Variants in NALF1 observed in about 807,000 individuals in gnomAD.
The protein encoded by NALF1 is family with sequence similarity 155 member A.
Under a neutral mutation model 48.4 loss-of-function variants are expected in NALF1, and 3 were observed. The observed-to-expected ratio is 0.06, with a 90% CI of 0.03 to 0.16. The LOEUF is 0.16. Among genes scored for constraint, NALF1 ranks in the 10% least tolerant of loss-of-function variants. The probability of loss-of-function intolerance (pLI) is 1.00; values close to 1 mark genes in which losing one functional copy is unlikely to be tolerated. For missense variants in NALF1, 526 were observed against 571.5 expected, an observed-to-expected ratio of 0.92 and a Z score of 0.81; for synonymous variants, 262 against 245.7, an observed-to-expected ratio of 1.07 and a Z score of -0.62.
At chr13:107,329,578 G>A (rs1018747091) in intron 1 of NALF1, among the ~76,000 whole-genome samples, 3 of 151,510 alleles carry the variant, frequency 2.0e-5, no homozygotes, top group African/African-American at 2.4e-5. Context: ...GTATACATGT[G>A]CCATGTTGGT....
At chr13:107,304,365 T>C (rs1881896689) in intron 1 of NALF1, among the ~76,000 whole-genome samples, 1 of 152,214 alleles carries the variant, frequency 6.6e-6, no homozygotes. Flanking sequence ...GATGGAATTG[T>C]AAAAGGAGAC....
chr13:107,713,904 T>C (rs748803705), intron 1 of NALF1, among the ~76,000 whole-genome samples: 8 of 152,204 alleles, frequency 5.3e-5, no homozygotes, highest in Non-Finnish European at 1.0e-4. Flanking sequence ...CAGTATGCTT[T>C]AGAGACTGAA....
Position 107,213,375 on chromosome 13 carries a change from C to G in NALF1, c.916-2620G>C, listed in dbSNP as rs189652364. Among the ~76,000 whole-genome samples the G allele has an allele frequency of 2.6e-3, 396 of 152,106 alleles. 1 individual carries two copies. Among genetic ancestry groups the G allele is most frequent in the Non-Finnish European group, 2.8e-3 (192 of 68,004 alleles). ...CGCCGGCAGAATCCCAGACCTTATA[C>G]ACTGAGCTATGACGACCTCTCCGGC... On this transcript the variant is annotated intron_variant, in intron 1 of 2. Coordinates refer to ENST00000375915, the MANE Select transcript of NALF1 (RefSeq NM_001080396.3).
chr13:107,328,625 A>C (rs1248780890), intron 1 of NALF1, among the ~76,000 whole-genome samples: 2 of 152,196 alleles, frequency 1.3e-5, no homozygotes, highest in Non-Finnish European at 2.9e-5. Context: ...AACAGAATGA[A>C]TTTCTAAATG....
At chr13:107,481,272 C>G (rs1885249608) in intron 1 of NALF1, among the ~76,000 whole-genome samples, 2 of 152,116 alleles carry the variant, frequency 1.3e-5, no homozygotes, top group Admixed American at 1.3e-4. Flanking sequence ...CATGAAAAAT[C>G]TCCCTGAGAC....
chr13:107,754,334 T>C (rs888420816), intron 1 of NALF1, among the ~76,000 whole-genome samples: 2 of 146,348 alleles, frequency 1.4e-5, no homozygotes, highest in Admixed American at 7.1e-5. Flanking sequence ...TACCTAGGAA[T>C]TGTATTTTTG....
intron 2 of NALF1, among the ~76,000 whole-genome samples, chr13:107,195,998 C>T (rs531383792): frequency 3.3e-5 from 5 of 152,234 alleles, no homozygotes; most frequent in African/African-American, 1.2e-4. Context: ...ATGTCCTTTG[C>T]AGAGACATGG....
chr13:107,713,570 G>A (rs1875664781), intron 1 of NALF1, among the ~76,000 whole-genome samples: 1 of 152,082 alleles, frequency 6.6e-6, no homozygotes, highest in Non-Finnish European at 1.5e-5. Context: ...ATCATCTGAG[G>A]TCACATTAAT....
At chr13:107,227,011 C>T (rs758022254) in intron 1 of NALF1, among the ~76,000 whole-genome samples, 17 of 152,230 alleles carry the variant, frequency 1.1e-4, no homozygotes, top group Non-Finnish European at 1.9e-4. Flanking sequence ...TGTATCCAGA[C>T]ATTCTTGCAC....
chr13:107,382,794 T>C (rs75543089), intron 1 of NALF1, among the ~76,000 whole-genome samples: 2,121 of 152,328 alleles, frequency 0.014, 55 homozygotes, highest in African/African-American at 0.048. Flanking sequence ...TGTCTGATGT[T>C]CAGTTCAATC....
At chr13:107,794,453 C>T (rs1878348964) in intron 1 of NALF1, among the ~76,000 whole-genome samples, 1 of 146,792 alleles carries the variant, frequency 6.8e-6, no homozygotes, top group East Asian at 2.1e-4. Context: ...ATCTATTGTT[C>T]TCTAACTAGC....
rs988979857 is a variant in NALF1, at chr13:107,813,750, A to C, written c.915+51932T>G. 4.6e-5 allele frequency among the ~76,000 whole-genome samples: 7 copies of C among 152,280 alleles called. No homozygotes were observed. In the East Asian group the frequency reaches 1.4e-3, roughly 29 times the overall value. The stretch of plus-strand genomic sequence containing the variant: ...AACAAGAAGAAGAAGAAAGTATTAA[A>C]TCAGTATAAATCCATCAGACCTTCC... On this transcript the variant is annotated intron_variant, in intron 1 of 2. Coordinates refer to ENST00000375915, the MANE Select transcript of NALF1 (RefSeq NM_001080396.3).
chr13:107,832,635 G>C (rs1879774911), intron 1 of NALF1, among the ~76,000 whole-genome samples: 2 of 152,044 alleles, frequency 1.3e-5, no homozygotes, highest in South Asian at 4.1e-4. Flanking sequence ...AGGGTCCTTC[G>C]CAACTCCTCG....
intron 1 of NALF1, among the ~76,000 whole-genome samples, chr13:107,631,705 A>C (rs758073906): frequency 2.6e-5 from 4 of 152,078 alleles, no homozygotes; most frequent in Admixed American, 6.6e-5. Flanking sequence ...CTCAAGCAGC[A>C]AGACAATTGG....
At chr13:107,812,482 G>A (rs900927142) in intron 1 of NALF1, among the ~76,000 whole-genome samples, 7 of 151,968 alleles carry the variant, frequency 4.6e-5, no homozygotes, top group African/African-American at 1.7e-4. Context: ...TTAGCAATGT[G>A]ATTTTTAGTC....
chr13:107,300,529 A>G (rs1243562628), intron 1 of NALF1, among the ~76,000 whole-genome samples: 1 of 152,184 alleles, frequency 6.6e-6, no homozygotes, highest in Non-Finnish European at 1.5e-5. Flanking sequence ...CATACTTTAC[A>G]AGTATACTTG....
chr13:107,417,984 CAG>C (rs1408209585), intron 1 of NALF1, among the ~76,000 whole-genome samples: 11 of 152,134 alleles, frequency 7.2e-5, no homozygotes, highest in Non-Finnish European at 1.6e-4. Context: ...TCGCTTGAAC[CAG>C]AGAGGCAGAG....
chr13:107,801,463 C>A (rs935271593), intron 1 of NALF1, among the ~76,000 whole-genome samples: 3 of 152,098 alleles, frequency 2.0e-5, no homozygotes, highest in African/African-American at 7.2e-5. Context: ...AGAGGCAATG[C>A]TCGGGTGGTG....
chr13:107,740,565 A>G (rs1170200724), intron 1 of NALF1, among the ~76,000 whole-genome samples: 1 of 152,228 alleles, frequency 6.6e-6, no homozygotes, highest in East Asian at 1.9e-4. Context: ...ACTCACAGGC[A>G]AAGGATAATA....
Sources: gnomAD v4.1 joint callset for allele counts (sites outside exome capture counted in the v4.1 genomes callset) on GRCh38, gnomAD v4.1.1 for gene constraint, MANE v1.5 for transcripts, NCBI Gene and HGNC (gene_info 2026-07-23, HGNC 2026-07-21) for gene names.